The following HMGB1 variants were observed in gnomAD, a reference collection of about 807,000 sequenced individuals.
HMGB1 encodes high mobility group box 1.
For synonymous variants in HMGB1, 81 were observed against 84.0 expected (o/e 0.96, Z 0.19); for missense variants, 79 against 253.5 (o/e 0.31, Z 4.67).
chr13:30,546,259 G>A (rs980661286), intron 1 of HMGB1, among the ~76,000 whole-genome samples: 1 of 152,186 alleles, frequency 6.6e-6, no homozygotes, highest in Non-Finnish European at 1.5e-5. Context: ...GGGACTACAG[G>A]TGTGCATCGC....
intron 1 of HMGB1, among the ~76,000 whole-genome samples, chr13:30,523,877 A>T (rs1274637413): frequency 6.6e-6 from 1 of 151,950 alleles, no homozygotes; most frequent in Non-Finnish European, 1.5e-5. Context: ...TGTAGTTGGG[A>T]CTACAGGAGA....
chr13:30,559,758 G>C lies in HMGB1; in HGVS notation c.-15+56913C>G, dbSNP rs903177747. 1.3e-4 allele frequency among the ~76,000 whole-genome samples: 20 copies of C among 151,922 alleles called. No homozygotes were observed. Among genetic ancestry groups the C allele is most frequent in the African/African-American group, 4.6e-4 (19 of 41,324 alleles). ...AAGTCTCTCCATAACTACTAACAAG[G>C]GACTGAGGAGAAGAATTTATATTAA... On this transcript the variant is annotated intron_variant, in intron 1 of 4. Transcript: ENST00000405805. This position sits in a 1 kb window ranked among gnomAD's most constrained non-coding sequence, Gnocchi z 6.6.
intron 1 of HMGB1, among the ~76,000 whole-genome samples, chr13:30,501,826 A>C (rs1305953272): frequency 3.3e-5 from 5 of 152,208 alleles, no homozygotes; most frequent in Admixed American, 6.5e-5. Context: ...AAAATCATCA[A>C]TCAGATAATG....
At position 30,462,820 on chromosome 13, in the gene HMGB1, G is replaced by A. The variant is rs1593254311; in HGVS notation, c.297-108C>T. ...AAAGCTGCCTGTGAATTTCTGTGAT[G>A]CATTGGACAGGGTGCAAATACTATA... On this transcript the variant is annotated intron_variant, in intron 3 of 4. Transcript: ENST00000341423. The A allele has an allele frequency of 3.2e-5, 27 of 838,916 alleles. No individual in the cohort carries two copies. In the East Asian group the frequency reaches 7.1e-4, roughly 22 times the overall value. The allele number at this position is 838,916 out of a possible 1,614,324, so 52.0% of individuals were successfully genotyped here.
At chr13:30,489,449 T>C (rs980155265) in intron 1 of HMGB1, among the ~76,000 whole-genome samples, 2 of 152,238 alleles carry the variant, frequency 1.3e-5, no homozygotes, top group African/African-American at 2.4e-5. Context: ...AAATTTAAAG[T>C]TGTAAAAACA....
chr13:30,489,773 C>A (rs573275169), intron 1 of HMGB1, among the ~76,000 whole-genome samples: 1 of 144,622 alleles, frequency 6.9e-6, no homozygotes, highest in Non-Finnish European at 1.5e-5. Flanking sequence ...CTCGCTCTGT[C>A]GCCCAGGCTG....
chr13:30,598,970 G>T (rs1339927201), intron 1 of HMGB1, among the ~76,000 whole-genome samples: 3 of 151,914 alleles, frequency 2.0e-5, no homozygotes, highest in Non-Finnish European at 4.4e-5. Context: ...GTGTGTGTAT[G>T]TGTGTGTATA....
chr13:30,509,301 T>C (rs9508768), intron 1 of HMGB1, among the ~76,000 whole-genome samples: 109,314 of 151,294 alleles, frequency 0.72, 40,339 homozygotes, highest in East Asian at 0.94. Context: ...TGTGGTGGTG[T>C]GATCTTGGCT....
intron 1 of HMGB1, among the ~76,000 whole-genome samples, chr13:30,481,140 T>C (rs1217694053): frequency 6.6e-6 from 1 of 152,106 alleles, no homozygotes; most frequent in Non-Finnish European, 1.5e-5. Context: ...CAAGTTGTTT[T>C]CAAGTACTGT....
At chr13:30,531,022 G>A (rs1395006402) in intron 1 of HMGB1, among the ~76,000 whole-genome samples, 2 of 152,264 alleles carry the variant, frequency 1.3e-5, no homozygotes, top group Admixed American at 6.5e-5. Context: ...ACTCCAGACC[G>A]GGCAAGAGTG....
intron 1 of HMGB1, among the ~76,000 whole-genome samples, chr13:30,534,568 T>A (rs1195945534): frequency 6.6e-6 from 1 of 152,256 alleles, no homozygotes; most frequent in East Asian, 1.9e-4. Flanking sequence ...TCTTACTCTT[T>A]TTTTCTATGT....
At chr13:30,465,955 C>T (rs1181977042), upstream of HMGB1, 51 of 985,974 alleles carry the variant, frequency 5.2e-5, no homozygotes, top group Admixed American at 6.1e-5. Flanking sequence ...GCCAGCGCGG[C>T]TCCTATTGGC....
intron 1 of HMGB1, among the ~76,000 whole-genome samples, chr13:30,480,066 C>T (rs1887191396): frequency 6.6e-6 from 1 of 152,284 alleles, no homozygotes; most frequent in East Asian, 1.9e-4. Flanking sequence ...CCTGTAATGT[C>T]CTTCCCCCTC....
chr13:30,465,019 G>T, intron 1 of HMGB1: 1 of 193,182 alleles, frequency 5.2e-6, no homozygotes. Flanking sequence ...GCGCCCCGCC[G>T]CCCCCGCACG....
intron 1 of HMGB1, among the ~76,000 whole-genome samples, chr13:30,520,062 C>T (rs1486926141): frequency 1.3e-5 from 2 of 152,176 alleles, no homozygotes; most frequent in Non-Finnish European, 2.9e-5. Context: ...TGGCTCATGC[C>T]CATAATCCCA....
intron 1 of HMGB1, among the ~76,000 whole-genome samples, chr13:30,502,410 C>T (rs1485150665): frequency 6.6e-6 from 1 of 152,114 alleles, no homozygotes; most frequent in Non-Finnish European, 1.5e-5. Context: ...TAAGGCCCAT[C>T]CCCCATCTCA....
chr13:30,586,500 T>G (rs1871159650), intron 1 of HMGB1, among the ~76,000 whole-genome samples: 1 of 146,764 alleles, frequency 6.8e-6, no homozygotes, highest in Admixed American at 6.8e-5. Flanking sequence ...TTTTTTTTTT[T>G]TTTTTGAGAT....
rs182543161 is a variant in HMGB1, at chr13:30,528,566, T to C, written c.-14-64872A>G. Among the ~76,000 whole-genome samples the C allele has an allele frequency of 5.1e-4, 77 of 152,330 alleles. 2 individuals carry two copies. Among genetic ancestry groups the C allele is most frequent in the Admixed American group, 1.4e-3 (21 of 15,308 alleles). On this transcript the variant is annotated intron_variant, in intron 1 of 4. Coordinates refer to the HMGB1 transcript ENST00000405805. ...AGTTATATACATATTTGCTTAATTT[T>C]CTAAAAAGAGAAACAATGAGTTAGT...
chr13:30,571,289 A>G (rs1471626245), intron 1 of HMGB1, among the ~76,000 whole-genome samples: 1 of 150,864 alleles, frequency 6.6e-6, no homozygotes, highest in Non-Finnish European at 1.5e-5. Flanking sequence ...TAGCAAAAAA[A>G]TGGTTTTTTT....
Sources: allele counts gnomAD v4.1 joint callset (sites outside exome capture counted in the v4.1 genomes callset), GRCh38; gene constraint gnomAD v4.1.1; non-coding constraint Gnocchi (gnomAD v3.1); transcripts MANE v1.5; gene names NCBI Gene and HGNC (gene_info 2026-07-23, HGNC 2026-07-21).